CDK5RAP1: variants seen among roughly 807,000 people sequenced by gnomAD.
The protein encoded by CDK5RAP1 is mitochondrial tRNA methylthiotransferase CDK5RAP1.
CDK5RAP1 carries 62 observed loss-of-function variants against 64.5 expected under a neutral mutation model. That is an observed-to-expected ratio of 0.96 (90% CI 0.78 to 1.19). CDK5RAP1 has a LOEUF of 1.19. Among genes scored for constraint, CDK5RAP1 ranks in the 50% most tolerant of loss-of-function variants. The pLI, the probability that CDK5RAP1 is intolerant of heterozygous loss-of-function variation, is 0.00. For synonymous variants in CDK5RAP1, 250 were observed against 261.9 expected, an observed-to-expected ratio of 0.95 and a Z score of 0.44; for missense variants, 657 against 735.0, an observed-to-expected ratio of 0.89 and a Z score of 1.23.
intron 12 of CDK5RAP1, among the ~76,000 whole-genome samples, chr20:33,364,355 A>G (rs1054614225): frequency 6.6e-6 from 1 of 151,260 alleles, no homozygotes; most frequent in African/African-American, 2.4e-5. Flanking sequence ...CACTTGGCTA[A>G]TTTTTGTATT....
chr20:33,387,376 G>C lies in CDK5RAP1; in HGVS notation c.702C>G (p.Thr234=), dbSNP rs1392103353. ...TCTGGACTGGCATGACATCAGCATA[G>C]GTCTCGTCCAGAGAGAGCAGCACGT... ...AANVLLSLDE[T]YADVMPVQTS... Residue 234 remains threonine, a synonymous_variant, in exon 6 of 14, where the codon ACC becomes ACG. Transcript: ENST00000346416. 3 of 1,614,172 alleles carry C rather than the reference G, an allele frequency of 1.9e-6. No homozygotes were observed. Among genetic ancestry groups the C allele is most frequent in the Non-Finnish European group, 2.5e-6 (3 of 1,180,038 alleles).
intron 7 of CDK5RAP1, among the ~76,000 whole-genome samples, chr20:33,381,852 C>T (rs291705): frequency 0.62 from 94,091 of 151,948 alleles, 29,594 homozygotes; most frequent in South Asian, 0.68. Context: ...TTGTGACATA[C>T]TGTTAATCTA....
At chr20:33,376,086 T>G (rs542611700) in intron 8 of CDK5RAP1, among the ~76,000 whole-genome samples, 19 of 152,244 alleles carry the variant, frequency 1.2e-4, no homozygotes, top group Non-Finnish European at 2.2e-4. Flanking sequence ...CCCAGCACTT[T>G]AGGAGGCCAA....
rs974476825 is a variant in CDK5RAP1 at position 33,385,385 on chromosome 20, T to C, written c.876+265A>G. On this transcript the variant is annotated intron_variant, in intron 7 of 13. Transcript: ENST00000346416. ...AAACTGCATTACGACGACAGTTAAA[T>C]TGACATGCCTAGGAACCAAGCCAGA... Among the ~76,000 whole-genome samples, 10 of 152,360 alleles carry C rather than the reference T, an allele frequency of 6.6e-5. No homozygotes were observed. In the East Asian group the frequency reaches 1.5e-3, roughly 23 times the overall value.
At chr20:33,359,646 T>A (rs1341288999) in intron 13 of CDK5RAP1, 1 of 155,624 alleles carries the variant, frequency 6.4e-6, no homozygotes, top group Non-Finnish European at 1.4e-5. Context: ...TGCTAGAAGA[T>A]AAACAAAGAT....
intron 8 of CDK5RAP1, among the ~76,000 whole-genome samples, chr20:33,374,535 C>A (rs1389906258): frequency 6.6e-6 from 1 of 151,720 alleles, no homozygotes; most frequent in East Asian, 1.9e-4. Flanking sequence ...AATGGCACTT[C>A]TTTCAGCTAG....
At chr20:33,377,309 A>C (rs1174424887) in intron 8 of CDK5RAP1, among the ~76,000 whole-genome samples, 1 of 152,170 alleles carries the variant, frequency 6.6e-6, no homozygotes, top group Non-Finnish European at 1.5e-5. Flanking sequence ...TTACACTGCA[A>C]ATCTGTTGTT....
intron 10 of CDK5RAP1, 111 bp downstream of exon 10, chr20:33,372,531 A>C: frequency 1.8e-6 from 1 of 546,088 alleles, no homozygotes; most frequent in Non-Finnish European, 3.2e-6. Context: ...AAGAGCACAA[A>C]AGTTATGAAA....
intron 5 of CDK5RAP1, 107 bp from the exon 6 acceptor site, chr20:33,387,640 A>G: frequency 1.2e-6 from 1 of 831,554 alleles, no homozygotes; most frequent in Admixed American, 2.4e-5. Flanking sequence ...CAGGGCACAG[A>G]AAACTTCTCT....
At chr20:33,378,540 T>C (rs1215552717) in intron 8 of CDK5RAP1, among the ~76,000 whole-genome samples, 1 of 151,964 alleles carries the variant, frequency 6.6e-6, no homozygotes. Context: ...TTATTCAGAG[T>C]TGCCACAAAC....
At chr20:33,371,163 T>G (rs1462437085) in intron 10 of CDK5RAP1, among the ~76,000 whole-genome samples, 1 of 151,994 alleles carries the variant, frequency 6.6e-6, no homozygotes, top group Non-Finnish European at 1.5e-5. Context: ...CAGGGTGGTA[T>G]TCAAGTGTAG....
At chr20:33,379,287 G>A (rs1237672576) in intron 8 of CDK5RAP1, among the ~76,000 whole-genome samples, 174 bp downstream of exon 8, 1 of 152,112 alleles carries the variant, frequency 6.6e-6, no homozygotes, top group Non-Finnish European at 1.5e-5. Flanking sequence ...CCCGTGCCCA[G>A]CCACTGGTGG....
At chr20:33,389,682 G>A (rs556511227) in intron 5 of CDK5RAP1, among the ~76,000 whole-genome samples, 9 of 152,128 alleles carry the variant, frequency 5.9e-5, no homozygotes, top group East Asian at 3.9e-4. Context: ...CCTTCTGCCC[G>A]GCCGCCACCC....
At chr20:33,401,231 C>G (rs993307259) in intron 1 of CDK5RAP1, among the ~76,000 whole-genome samples, 197 bp downstream of exon 1, 1 of 152,214 alleles carries the variant, frequency 6.6e-6, no homozygotes, top group Non-Finnish European at 1.5e-5. Context: ...GTGGAGGTGA[C>G]CTGTCCAAGG....
chr20:33,394,031 C>A lies in CDK5RAP1; in HGVS notation c.443+1G>T. The A allele has an allele frequency of 1.3e-6, 2 of 1,592,710 alleles. No homozygotes were observed. The highest frequency in any genetic ancestry group is 1.1e-5 in the South Asian group (1 of 90,666). On this transcript the variant is annotated splice_donor_variant, in intron 4 of 13. Transcript: ENST00000346416. LOFTEE classifies it high-confidence loss of function. ...CTCCTAGGAAAAGAACAAATTCGCA[C>A]CTGATAGAGCATGTGACAAGGAGAA...
chr20:33,374,974 G>A (rs567907018), intron 8 of CDK5RAP1, among the ~76,000 whole-genome samples: 1 of 151,668 alleles, frequency 6.6e-6, no homozygotes, highest in Non-Finnish European at 1.5e-5. Context: ...AGACCAGCCT[G>A]GACAACATAG....
rs773538898 is a variant in CDK5RAP1, at chr20:33,367,055, T to C, written c.1393-47A>G. The C allele has an allele frequency of 5.1e-6, 8 of 1,563,756 alleles. No homozygotes were observed. In the East Asian group the frequency reaches 1.6e-4, roughly 31 times the overall value. On this transcript the variant is annotated intron_variant, in intron 11 of 13. Coordinates refer to ENST00000346416, the MANE Select transcript of CDK5RAP1 (RefSeq NM_016408.4). ...GAGAAGATGGAGGTCACCAAGGACT[T>C]GTAGAATCTATTCTTAATGCACAGA...
At chr20:33,378,463 A>G (rs1332387604) in intron 8 of CDK5RAP1, among the ~76,000 whole-genome samples, 1 of 152,192 alleles carries the variant, frequency 6.6e-6, no homozygotes, top group African/African-American at 2.4e-5. Context: ...ATATTGTGAA[A>G]ATTACCAAAA....
At position 33,392,218 on chromosome 20, in the gene CDK5RAP1, C is replaced by T. The variant is rs768040866; in HGVS notation, c.468G>A (p.Trp156Ter). The T allele has an allele frequency of 9.9e-6, 16 of 1,613,628 alleles. No homozygotes were observed. In the African/African-American group the frequency reaches 1.9e-4, roughly 19 times the overall value. Residue 156 changes from tryptophan to a stop codon, truncating the protein, a stop_gained, in exon 5 of 14, where the codon TGG becomes TGA. Coordinates refer to ENST00000346416, the MANE Select transcript of CDK5RAP1 (RefSeq NM_016408.4). LOFTEE classifies it high-confidence loss of function. Reference sequence around the variant, plus strand: ...AGGCTTTAAGCTGATGTAAACGGTTCCAGATGGTCTGCTCAGCCTTCTCCC... The same window carrying T: ...AGGCTTTAAGCTGATGTAAACGGTTTCAGATGGTCTGCTCAGCCTTCTCCC... ...SIREKAEQTI[W>*]NRLHQLKALK...
Sources: gnomAD v4.1 joint callset for allele counts (sites outside exome capture counted in the v4.1 genomes callset) on GRCh38, gnomAD v4.1.1 for gene constraint, MANE v1.5 for transcripts, NCBI Gene and HGNC (gene_info 2026-07-23, HGNC 2026-07-21) for gene names.